ZFHX3: variants seen among roughly 807,000 people sequenced by gnomAD.
ZFHX3 encodes the protein zinc finger homeobox protein 3.
In ZFHX3, 42 loss-of-function variants were observed where a neutral mutation model predicts 279.1. The ratio of observed to expected loss-of-function variants is 0.15; its 90% CI spans 0.12 to 0.19. The LOEUF (loss-of-function observed/expected upper bound fraction) is 0.19. ZFHX3 is among the 10% of genes least tolerant of loss of function. The pLI, the probability that ZFHX3 is intolerant of heterozygous loss-of-function variation, is 1.00. For missense variants in ZFHX3, 4,981 were observed against 4,754.0 expected (o/e 1.05, Z -1.40); for synonymous variants, 2,293 against 1,957.8 (o/e 1.17, Z -4.52).
chr16:73,391,450 T>TTAA (rs2017011388), intron 3 of ZFHX3, among the ~76,000 whole-genome samples: 2 of 82,062 alleles, frequency 2.4e-5, no homozygotes, highest in African/African-American at 8.6e-5. Context: ...AAACTCTGTC[T>TTAA]CAAAAAAAAA....
chr16:72,792,468 T>C (rs990631295), intron 9 of ZFHX3, among the ~76,000 whole-genome samples: 6 of 152,072 alleles, frequency 3.9e-5, no homozygotes, highest in African/African-American at 1.4e-4. Flanking sequence ...CTTTTTTTTT[T>C]CTTTTTTTGA....
intron 2 of ZFHX3, among the ~76,000 whole-genome samples, chr16:73,654,549 A>C (rs1395685630): frequency 6.6e-6 from 1 of 152,170 alleles, no homozygotes; most frequent in African/African-American, 2.4e-5. Flanking sequence ...TCATGAACAT[A>C]GATATGAAAT....
chr16:73,132,059 G>A (rs930082141), intron 6 of ZFHX3, among the ~76,000 whole-genome samples: 1 of 152,134 alleles, frequency 6.6e-6, no homozygotes, highest in Non-Finnish European at 1.5e-5. Flanking sequence ...ACCGAGGTGG[G>A]AAGATTGCTT....
In ZFHX3 at chr16:73,434,703, G is replaced by C. The variant is rs1363267450; in HGVS notation, c.-1291+21300C>G. Among the ~76,000 whole-genome samples the C allele has an allele frequency of 2.6e-5, 4 of 152,116 alleles. No homozygotes were observed. The South Asian group carries it at 6.2e-4, about 24-fold the overall frequency. ...TCATTGAGGTTGATCTCAAGATGTG[G>C]AACAGTGGGCTGGGAGTGCTGGGCT... On this transcript the variant is annotated intron_variant, in intron 3 of 17. Coordinates refer to the ZFHX3 transcript ENST00000641206.
At chr16:73,107,122 A>T (rs549125559) in intron 7 of ZFHX3, among the ~76,000 whole-genome samples, 1 of 152,248 alleles carries the variant, frequency 6.6e-6, no homozygotes, top group Non-Finnish European at 1.5e-5. Flanking sequence ...TTCGAGACCA[A>T]CATGGCGAAA....
intron 1 of ZFHX3, among the ~76,000 whole-genome samples, chr16:73,715,643 G>A (rs1189828364): frequency 6.8e-6 from 1 of 146,958 alleles, no homozygotes; most frequent in Non-Finnish European, 1.5e-5. Context: ...TGCGATCTCG[G>A]CTCTCTGCAA....
At chr16:72,910,722 CTTAA>C (rs1359059390) in intron 3 of ZFHX3, among the ~76,000 whole-genome samples, 3 of 152,082 alleles carry the variant, frequency 2.0e-5, no homozygotes, top group South Asian at 2.1e-4. Flanking sequence ...TTTAAAAATG[CTTAA>C]TTAATGGTGA....
At chr16:72,952,145 T>TC (rs1033031655) in intron 2 of ZFHX3, among the ~76,000 whole-genome samples, 1 of 152,018 alleles carries the variant, frequency 6.6e-6, no homozygotes, top group African/African-American at 2.4e-5. Flanking sequence ...GGGACTGAGA[T>TC]GGAAGGATGG....
At chr16:73,766,755 C>G (rs541867471) in intron 1 of ZFHX3, among the ~76,000 whole-genome samples, 2 of 152,002 alleles carry the variant, frequency 1.3e-5, no homozygotes, top group Non-Finnish European at 2.9e-5. Flanking sequence ...ACATGGGTCC[C>G]CAGGAGTTGT....
chr16:73,781,749 G>A (rs1364383181), intron 1 of ZFHX3, among the ~76,000 whole-genome samples: 2 of 152,158 alleles, frequency 1.3e-5, no homozygotes, highest in East Asian at 3.9e-4. Flanking sequence ...AGCATTTTGG[G>A]AGGCCAAGGT....
intron 2 of ZFHX3, among the ~76,000 whole-genome samples, chr16:73,611,650 G>C (rs2052248219): frequency 6.6e-6 from 1 of 152,172 alleles, no homozygotes; most frequent in Non-Finnish European, 1.5e-5. Flanking sequence ...CTAATTAGGA[G>C]TTTCTGGCAA....
rs149778900 is a variant in ZFHX3, at chr16:73,507,310, A to C, written c.-1546-51052T>G. 1.6e-3 allele frequency among the ~76,000 whole-genome samples: 236 copies of C among 152,254 alleles called. 1 individual carries two copies. Among genetic ancestry groups the C allele is most frequent in the African/African-American group, 5.2e-3 (218 of 41,544 alleles). On this transcript the variant is annotated intron_variant, in intron 2 of 17. Coordinates refer to the ZFHX3 transcript ENST00000641206. The stretch of plus-strand genomic sequence containing the variant: ...CTGTATACACATAGGATAGATACTG[A>C]GTTTAATGGGCTGAAGGCCAGATTC...
At chr16:73,783,926 A>C (rs1259822553) in intron 1 of ZFHX3, among the ~76,000 whole-genome samples, 1 of 152,136 alleles carries the variant, frequency 6.6e-6, no homozygotes, top group Non-Finnish European at 1.5e-5. Context: ...CATCCATACC[A>C]GGTTGATGCT....
intron 1 of ZFHX3, among the ~76,000 whole-genome samples, chr16:73,844,456 T>C (rs758486448): frequency 2.6e-5 from 4 of 152,146 alleles, no homozygotes; most frequent in African/African-American, 4.8e-5. Context: ...TGAAGGCCAA[T>C]ACTATGGAGA....
At chr16:73,464,665 T>C (rs1018140192) in intron 2 of ZFHX3, among the ~76,000 whole-genome samples, 2 of 152,096 alleles carry the variant, frequency 1.3e-5, no homozygotes, top group African/African-American at 4.8e-5. Flanking sequence ...AATTTTACTA[T>C]AATTGTCTAA....
intron 2 of ZFHX3, among the ~76,000 whole-genome samples, chr16:73,583,007 C>A (rs1014514164): frequency 2.6e-5 from 4 of 152,180 alleles, no homozygotes; most frequent in African/African-American, 4.8e-5. Context: ...CTATAAGATT[C>A]ATTTTCTTTG....
chr16:73,018,135 G>A (rs930010670), intron 1 of ZFHX3, among the ~76,000 whole-genome samples: 4 of 151,862 alleles, frequency 2.6e-5, no homozygotes, highest in East Asian at 2.0e-4. Context: ...ACAGGCATGC[G>A]CCATCACACC....
chr16:73,055,110 T>C, intron 1 of ZFHX3, among the ~76,000 whole-genome samples: 1 of 151,440 alleles, frequency 6.6e-6, no homozygotes, highest in Non-Finnish European at 1.5e-5. Context: ...GACCTAAACA[T>C]GCCTTTTCTT....
intron 3 of ZFHX3, among the ~76,000 whole-genome samples, chr16:72,911,036 T>G (rs906714078): frequency 5.3e-5 from 8 of 152,160 alleles, no homozygotes; most frequent in African/African-American, 1.9e-4. Context: ...TCGGCTGGGG[T>G]TTGTCAGCCC....
Sources: gnomAD v4.1 joint callset for allele counts (sites outside exome capture counted in the v4.1 genomes callset) on GRCh38, gnomAD v4.1.1 for gene constraint, MANE v1.5 for transcripts, NCBI Gene and HGNC (gene_info 2026-07-23, HGNC 2026-07-21) for gene names.